FAM114A2: variants seen among roughly 807,000 people sequenced by gnomAD.
FAM114A2 encodes the protein protein FAM114A2.
In FAM114A2, 53 loss-of-function variants were observed where a neutral mutation model predicts 58.4. The observed-to-expected ratio is 0.91, with a 90% CI of 0.73 to 1.14. The LOEUF is 1.14. Among genes scored for constraint, FAM114A2 ranks in the 50% most tolerant of loss-of-function variants. The pLI is 0.00. For synonymous variants in FAM114A2, 228 were observed against 211.4 expected, an observed-to-expected ratio of 1.08 and a Z score of -0.68; for missense variants, 601 against 581.1, an observed-to-expected ratio of 1.03 and a Z score of -0.35.
intron 8 of FAM114A2, among the ~76,000 whole-genome samples, chr5:154,016,536 G>A (rs1045557417): frequency 3.9e-5 from 6 of 152,122 alleles, no homozygotes; most frequent in African/African-American, 1.2e-4. Flanking sequence ...ATGAAGGAAA[G>A]ATACAGTCTT....
chr5:154,026,480 T>A lies in FAM114A2; in HGVS notation c.832A>T (p.Thr278Ser), dbSNP rs372316200. The change falls in exon 8 of 14, where the codon ACT becomes TCT. Residue 278 changes from threonine to serine, a missense_variant. Transcript: ENST00000351797. ...LNSLSGEELE[T>S]LKVELEQLKE... Reference sequence around the variant, plus strand: ...AGTTGCTCTAATTCAACTTTTAGAGTCTCTAATTCTTCTCCACTCAGAGAA... The same window carrying A: ...AGTTGCTCTAATTCAACTTTTAGAGACTCTAATTCTTCTCCACTCAGAGAA... The A allele has an allele frequency of 1.3e-4, 200 of 1,566,030 alleles. No individual in the cohort carries two copies. The highest frequency in any genetic ancestry group is 1.6e-4 in the Non-Finnish European group (188 of 1,154,274).
intron 9 of FAM114A2, among the ~76,000 whole-genome samples, chr5:154,008,682 G>A (rs1770504061): frequency 6.6e-6 from 1 of 152,162 alleles, no homozygotes; most frequent in Non-Finnish European, 1.5e-5. Context: ...GTATGTGTGT[G>A]TGTGTGTGTT....
chr5:154,029,104 G>A (rs1772004602), intron 5 of FAM114A2, among the ~76,000 whole-genome samples: 2 of 152,026 alleles, frequency 1.3e-5, no homozygotes, highest in Non-Finnish European at 2.9e-5. Context: ...ACATAGTTTT[G>A]CAAATATCTG....
At chr5:154,021,878 T>C (rs559757268) in intron 8 of FAM114A2, among the ~76,000 whole-genome samples, 145 of 150,380 alleles carry the variant, frequency 9.6e-4, no homozygotes, top group African/African-American at 3.4e-3. Flanking sequence ...GGAGGCATCA[T>C]ATAGACTTCA....
intron 8 of FAM114A2, among the ~76,000 whole-genome samples, chr5:154,018,895 A>C (rs1244382295): frequency 6.6e-6 from 1 of 152,184 alleles, no homozygotes; most frequent in Non-Finnish European, 1.5e-5. Flanking sequence ...TCAGCATACA[A>C]GGGACATATA....
At chr5:154,010,587 T>C (rs565890457) in intron 9 of FAM114A2, among the ~76,000 whole-genome samples, 335 of 152,232 alleles carry the variant, frequency 2.2e-3, no homozygotes, top group Non-Finnish European at 3.1e-3. Flanking sequence ...TTCTCAAGAT[T>C]GGTAGAGGTG....
chr5:154,028,193 T>C lies in FAM114A2; in HGVS notation c.586A>G (p.Lys196Glu). The C allele has an allele frequency of 6.2e-7, 1 of 1,612,860 alleles. No homozygotes were observed. Among genetic ancestry groups the C allele is most frequent in the East Asian group, 2.2e-5 (1 of 44,852 alleles). Residue 196 changes from lysine (K) to glutamate (E), a missense_variant, in exon 6 of 14, where the codon AAA becomes GAA. Lys to Glu is a moderately conservative substitution (Grantham distance 56). Transcript: ENST00000351797. ...DVIAEGDPGF[K>E]RTKGLMNRNA... is the part of the protein sequence containing the mutation. Reference sequence around the variant, plus strand: ...CGGTTCATCAGACCCTTGGTTCTTTTAAATCCAGGATCCCCTTCTGCTATC... The same window carrying C: ...CGGTTCATCAGACCCTTGGTTCTTTCAAATCCAGGATCCCCTTCTGCTATC...
chr5:154,003,092 C>T, intron 9 of FAM114A2, 123 bp from the exon 10 acceptor site: 1 of 781,758 alleles, frequency 1.3e-6, no homozygotes, highest in Non-Finnish European at 2.1e-6. Flanking sequence ...AACGTACCAT[C>T]TAGCTTTTCA....
chr5:154,028,989 A>G (rs1263225797), intron 5 of FAM114A2, among the ~76,000 whole-genome samples: 2 of 152,204 alleles, frequency 1.3e-5, no homozygotes, highest in Non-Finnish European at 2.9e-5. Flanking sequence ...TTCTGTATGT[A>G]TATTTCAATA....
Position 154,034,761 on chromosome 5 carries a change from T to C in FAM114A2, c.193A>G (p.Lys65Glu), listed in dbSNP as rs145634691. Reference protein sequence around the residue: ...TKPSSDLETSKVLPIQDNVSK... With the variant: ...TKPSSDLETSEVLPIQDNVSK... ...TGTGATACCTGAATAGGGAGAACTT[T>C]TGAAGTCTCAAGGTCACTGGAAGGT... is the stretch of plus-strand genomic sequence containing the variant. The change falls in exon 2 of 14, where the codon AAA becomes GAA. Residue 65 changes from lysine (K) to glutamate (E), a missense_variant. Physicochemically the swap from Lys to Glu is moderately conservative, Grantham distance 56. Coordinates refer to ENST00000351797, the MANE Select transcript of FAM114A2 (RefSeq NM_018691.4). The C allele has an allele frequency of 2.9e-5, 47 of 1,613,184 alleles. No homozygotes were observed. In the African/African-American group the frequency reaches 5.5e-4, roughly 19 times the overall value.
rs892153478 is a variant in FAM114A2 at position 153,991,239 on chromosome 5, C to G, written c.*1737G>C. On this transcript the variant is annotated 3_prime_UTR_variant, in exon 14 of 14. Transcript: ENST00000351797. ...TTACTCTCTCCTTCATATGTATACCCCATTTCTTGAAAGAAAAACCTTAAA... is the reference window on the plus strand; with the variant it reads ...TTACTCTCTCCTTCATATGTATACCGCATTTCTTGAAAGAAAAACCTTAAA... The G allele has an allele frequency of 6.6e-6, 1 of 152,098 alleles. No individual in the cohort carries two copies. The highest frequency in any genetic ancestry group is 2.4e-5 in the African/African-American group (1 of 41,420). The allele number at this position is 152,098 out of a possible 1,614,324, so 9.4% of individuals were successfully genotyped here. A position where few individuals can be genotyped will look rare whatever the true frequency, so the allele number is the denominator to read the frequency against.
intron 5 of FAM114A2, 106 bp from the exon 6 acceptor site, chr5:154,028,389 AC>A (rs1329915781): frequency 9.2e-5 from 67 of 729,450 alleles, no homozygotes; most frequent in Non-Finnish European, 1.4e-4. Flanking sequence ...AATACCAAGC[AC>A]TGGCAAGAAT....
rs1251176250 is a variant in FAM114A2, at chr5:153,991,267, C to T, written c.*1709G>A. ...TTTCTTGAAAGAAAAACCTTAAATA[C>T]ATTTCTAGGTTAAGGATTTAAAGCT... is the stretch of plus-strand genomic sequence containing the variant. On this transcript the variant is annotated 3_prime_UTR_variant, in exon 14 of 14. Transcript: ENST00000351797. The T allele has an allele frequency of 6.6e-6, 1 of 152,138 alleles. No individual in the cohort carries two copies. The highest frequency in any genetic ancestry group is 2.4e-5 in the African/African-American group (1 of 41,436). 9.4% of individuals were successfully genotyped at this position (152,138 alleles called of 1,614,324 possible).
chr5:154,004,510 T>C (rs1770222186), intron 9 of FAM114A2, among the ~76,000 whole-genome samples: 1 of 152,218 alleles, frequency 6.6e-6, no homozygotes, highest in Admixed American at 6.5e-5. Context: ...CAAAATACTC[T>C]GCAGGCATCA....
intron 7 of FAM114A2, 125 bp downstream of exon 7, chr5:154,027,051 C>T (rs535363505): frequency 3.4e-4 from 235 of 700,708 alleles, no homozygotes; most frequent in Non-Finnish European, 4.6e-4. Context: ...GGTAGTATTT[C>T]GAAGGCATCT....
At chr5:154,002,514 C>T (rs1561544598) in intron 10 of FAM114A2, 124 bp from the exon 11 acceptor site, 1 of 141,624 alleles carries the variant, frequency 7.1e-6, no homozygotes, top group Non-Finnish European at 1.0e-5. Flanking sequence ...TAAAGAGTGT[C>T]TTCTTCTTCC....
intron 7 of FAM114A2, 52 bp from the exon 8 acceptor site, chr5:154,026,574 C>T (rs1196926844): frequency 1.1e-5 from 14 of 1,283,598 alleles, no homozygotes; most frequent in Admixed American, 3.0e-5. Context: ...AAAAGAAAAA[C>T]ATTCACAAAT....
chr5:154,038,263 GTATA>G (rs1554085956), intron 1 of FAM114A2: 2 of 152,012 alleles, frequency 1.3e-5, no homozygotes, highest in Non-Finnish European at 2.9e-5. Context: ...TATATATTAC[GTATA>G]TATACACTCC....
chr5:154,010,979 G>A lies in FAM114A2; in HGVS notation c.993+262C>T, dbSNP rs552016098. 2.0e-5 allele frequency among the ~76,000 whole-genome samples: 3 copies of A among 152,258 alleles called. No homozygotes were observed. In the East Asian group the frequency reaches 5.8e-4, roughly 29 times the overall value. On this transcript the variant is annotated intron_variant, in intron 9 of 13. Transcript: ENST00000351797. ...CCAACTTTTAATGACCAACATTGTA[G>A]ACTAAATTAAGCTTTCAGATAAGCA...
Sources: allele counts gnomAD v4.1 joint callset (sites outside exome capture counted in the v4.1 genomes callset), GRCh38; gene constraint gnomAD v4.1.1; transcripts MANE v1.5; gene names NCBI Gene and HGNC (gene_info 2026-07-23, HGNC 2026-07-21).